The following SLC4A10 variants were observed in gnomAD, a reference collection of about 807,000 sequenced individuals.
SLC4A10 encodes the protein solute carrier family 4 member 10, also known as sodium-driven chloride bicarbonate exchanger.
Under a neutral mutation model 137.7 loss-of-function variants are expected in SLC4A10, and 42 were observed. The ratio of observed to expected loss-of-function variants is 0.30; its 90% CI spans 0.24 to 0.39. The LOEUF is 0.39. Ranked by LOEUF, SLC4A10 falls within the 10% of genes least tolerant of loss-of-function variation. The pLI, the probability that SLC4A10 is intolerant of heterozygous loss-of-function variation, is 1.00. For missense variants in SLC4A10, 925 were observed against 1,355.0 expected (o/e 0.68, Z 4.98); for synonymous variants, 474 against 464.1 (o/e 1.02, Z -0.27).
At chr2:161,887,156 G>A (rs2062395545) in intron 10 of SLC4A10, among the ~76,000 whole-genome samples, 1 of 152,126 alleles carries the variant, frequency 6.6e-6, no homozygotes, top group South Asian at 2.1e-4. Flanking sequence ...ATTCCGTGGT[G>A]TATATGTGCC....
At chr2:161,800,541 T>C (rs1409200032) in intron 2 of SLC4A10, among the ~76,000 whole-genome samples, 4 of 152,036 alleles carry the variant, frequency 2.6e-5, no homozygotes, top group Non-Finnish European at 5.9e-5. Context: ...GTTGTAATTA[T>C]TGCCAATGAA....
At chr2:161,735,615 C>T (rs902826697) in intron 1 of SLC4A10, among the ~76,000 whole-genome samples, 1 of 152,092 alleles carries the variant, frequency 6.6e-6, no homozygotes, top group African/African-American at 2.4e-5. Flanking sequence ...ATCTGGGTGC[C>T]AAGTTTATAT....
At chr2:161,866,531 A>T (rs952289482) in intron 6 of SLC4A10, among the ~76,000 whole-genome samples, 3 of 151,978 alleles carry the variant, frequency 2.0e-5, no homozygotes, top group Non-Finnish European at 4.4e-5. Flanking sequence ...CAAAACTGTG[A>T]GAATTAAATG....
chr2:161,721,059 C>T (rs992470240), intron 1 of SLC4A10, among the ~76,000 whole-genome samples: 2 of 152,106 alleles, frequency 1.3e-5, no homozygotes, highest in African/African-American at 4.8e-5. Context: ...GAACTCCTGT[C>T]CTCAGGTGAT....
At chr2:161,850,522 C>A (rs2059768281) in intron 4 of SLC4A10, among the ~76,000 whole-genome samples, 1 of 152,090 alleles carries the variant, frequency 6.6e-6, no homozygotes, top group Non-Finnish European at 1.5e-5. Flanking sequence ...ATAATAGTCT[C>A]TTAGGGTTTT....
intron 3 of SLC4A10, among the ~76,000 whole-genome samples, chr2:161,834,881 A>G (rs1559355213): frequency 6.6e-6 from 1 of 152,080 alleles, no homozygotes; most frequent in Non-Finnish European, 1.5e-5. Flanking sequence ...TCTGAACTGA[A>G]CTGAGAACCC....
intron 1 of SLC4A10, among the ~76,000 whole-genome samples, chr2:161,671,955 T>C (rs185823617): frequency 2.8e-4 from 43 of 152,260 alleles, no homozygotes; most frequent in African/African-American, 1.0e-3. Context: ...AAGAACTGTT[T>C]TATTTTGATT....
chr2:161,839,347 GT>G (rs2059028081), intron 3 of SLC4A10, among the ~76,000 whole-genome samples: 1 of 152,052 alleles, frequency 6.6e-6, no homozygotes, highest in Admixed American at 6.6e-5. Context: ...TCACAAGGGA[GT>G]TTTTTTGGTG....
At chr2:161,784,158 A>G (rs939163051) in intron 2 of SLC4A10, among the ~76,000 whole-genome samples, 1 of 151,924 alleles carries the variant, frequency 6.6e-6, no homozygotes, top group African/African-American at 2.4e-5. Context: ...TCTTATAATG[A>G]TAAAAGGATC....
intron 2 of SLC4A10, among the ~76,000 whole-genome samples, chr2:161,775,504 G>A (rs977312567): frequency 1.3e-5 from 2 of 151,906 alleles, no homozygotes; most frequent in Admixed American, 1.3e-4. Context: ...TGACCAGGAA[G>A]TGGCAAGTGT....
intron 1 of SLC4A10, among the ~76,000 whole-genome samples, chr2:161,748,957 T>A (rs566842740): frequency 6.6e-6 from 1 of 152,044 alleles, no homozygotes; most frequent in African/African-American, 2.4e-5. Flanking sequence ...AATATTTTTT[T>A]AACATTTTAT....
chr2:161,942,784 C>T lies in SLC4A10; in HGVS notation c.1998-8C>T, dbSNP rs769952623. The T allele has an allele frequency of 1.9e-6, 3 of 1,590,580 alleles. No individual in the cohort carries two copies. Among genetic ancestry groups the T allele is most frequent in the Non-Finnish European group, 2.6e-6 (3 of 1,167,298 alleles). On this transcript the variant is annotated splice_polypyrimidine_tract_variant and splice_region_variant and intron_variant, in intron 15 of 26. Transcript: ENST00000446997. ...TATTTCACAAAAGACACTATTTTGC[C>T]TTTTCAGGTGTAACTGTGTGGAACC...
intron 1 of SLC4A10, among the ~76,000 whole-genome samples, chr2:161,633,347 G>A (rs2105423905): frequency 6.6e-6 from 1 of 151,846 alleles, no homozygotes; most frequent in East Asian, 1.9e-4. Context: ...TGCTCTCACA[G>A]AACCAAGTGC....
intron 1 of SLC4A10, among the ~76,000 whole-genome samples, chr2:161,684,878 T>C (rs1286436023): frequency 6.6e-6 from 1 of 152,178 alleles, no homozygotes; most frequent in Admixed American, 6.5e-5. Context: ...CTGAAGGTGG[T>C]ATAGCCAGAA....
At chr2:161,733,041 C>A (rs941858184) in intron 1 of SLC4A10, among the ~76,000 whole-genome samples, 3 of 152,140 alleles carry the variant, frequency 2.0e-5, no homozygotes, top group Admixed American at 6.5e-5. Context: ...AAAAGGGAAA[C>A]AGAGCATAAA....
At chr2:161,813,346 A>G (rs1374894730) in intron 3 of SLC4A10, among the ~76,000 whole-genome samples, 1 of 152,118 alleles carries the variant, frequency 6.6e-6, no homozygotes, top group African/African-American at 2.4e-5. Flanking sequence ...CATCACACTT[A>G]TCCAAATGCC....
At chr2:161,922,630 A>T (rs1688341340) in intron 15 of SLC4A10, among the ~76,000 whole-genome samples, 1 of 152,202 alleles carries the variant, frequency 6.6e-6, no homozygotes, top group Non-Finnish European at 1.5e-5. Context: ...TGTTGAAAAT[A>T]TACATAAGAA....
At chr2:161,836,008 G>A (rs183973550) in intron 3 of SLC4A10, among the ~76,000 whole-genome samples, 1 of 152,192 alleles carries the variant, frequency 6.6e-6, no homozygotes, top group African/African-American at 2.4e-5. Context: ...GAGACAAAGT[G>A]GATGAACTTT....
chr2:161,733,083 T>G (rs986153410), intron 1 of SLC4A10, among the ~76,000 whole-genome samples: 2 of 152,102 alleles, frequency 1.3e-5, no homozygotes, highest in African/African-American at 4.8e-5. Flanking sequence ...GACATTGAGA[T>G]AGAAAAGAAA....
Sources: gnomAD v4.1 joint callset for allele counts (sites outside exome capture counted in the v4.1 genomes callset) on GRCh38, gnomAD v4.1.1 for gene constraint, MANE v1.5 for transcripts, NCBI Gene and HGNC (gene_info 2026-07-23, HGNC 2026-07-21) for gene names.